Variants in HLA-DQA1 observed in about 807,000 individuals in gnomAD.
HLA-DQA1 encodes the protein major histocompatibility complex, class II, DQ alpha 1, also known as HLA class II histocompatibility antigen, DQ alpha 1 chain.
A neutral mutation model predicts 20.7 loss-of-function variants in HLA-DQA1; 10 were observed. The observed-to-expected ratio is 0.48, with a 90% CI of 0.30 to 0.82. The LOEUF (loss-of-function observed/expected upper bound fraction) is 0.82, where lower values mean the gene tolerates loss of function less well. Among genes scored for constraint, HLA-DQA1 ranks in the 40% least tolerant of loss-of-function variants. The pLI, the probability that HLA-DQA1 is intolerant of heterozygous loss-of-function variation, is 0.07. For synonymous variants in HLA-DQA1, 39 were observed against 109.2 expected, an observed-to-expected ratio of 0.36 and a Z score of 4.01; for missense variants, 127 against 293.0, an observed-to-expected ratio of 0.43 and a Z score of 4.14.
At chr6:32,650,853 A>G (rs796966619), downstream of HLA-DQA1, among the ~76,000 whole-genome samples, 671 of 21,342 alleles carry the variant, frequency 0.031, 198 homozygotes, top group South Asian at 0.25. Flanking sequence ...GTATAATAAT[A>G]ATAATAATAA....
downstream of HLA-DQA1, among the ~76,000 whole-genome samples, chr6:32,648,613 G>A (rs1459130370): frequency 3.1e-5 from 3 of 96,684 alleles, 1 homozygote; most frequent in African/African-American, 1.1e-4. Context: ...AATAAACTAG[G>A]TATTGATGGA....
Position 32,641,319 on chromosome 6 carries a change from T to C in HLA-DQA1, c.92T>C (p.Val31Ala). 8.0e-7 allele frequency: 1 copy of C among 1,249,058 alleles called. No individual in the cohort carries two copies. Among genetic ancestry groups the C allele is most frequent in the Non-Finnish European group, 1.1e-6 (1 of 900,008 alleles). 77.4% of individuals were successfully genotyped at this position (1,249,058 alleles called of 1,614,324 possible). A position where few individuals can be genotyped will look rare whatever the true frequency, so the allele number is the denominator to read the frequency against. ...CATCTTCACTCATCAGCTGACCACG[T>C]TGCCTCTTGTGGTGTAAACTTGTAC... The part of the protein sequence containing the change: ...CGGEDIVADH[V>A]ASCGVNLYQF... The change falls in exon 2 of 5, where the codon GTT (valine) becomes GCT (alanine). Residue 31 changes from valine (V) to alanine (A), a missense_variant. Val to Ala is a moderately conservative substitution (Grantham distance 64). Transcript: ENST00000343139.
chr6:32,653,859 G>A, the HLA-DQA1 span, among the ~76,000 whole-genome samples: 594 of 67,950 alleles, frequency 8.7e-3, 3 homozygotes, highest in Admixed American at 0.014. Flanking sequence ...AGAACCTGGG[G>A]GACATTATGT....
chr6:32,642,372 T>TCA, intron 3 of HLA-DQA1, 119 bp downstream of exon 3: 2 of 539,594 alleles, frequency 3.7e-6, no homozygotes, highest in Non-Finnish European at 5.6e-6. Flanking sequence ...CTTTTCTGTC[T>TCA]CTCTTTTTTT....
intron 3 of HLA-DQA1, 85 bp downstream of exon 3, chr6:32,642,338 T>G: frequency 1.0e-6 from 1 of 953,194 alleles, no homozygotes; most frequent in Non-Finnish European, 1.6e-6. Context: ...ATCCAAAAAC[T>G]TGTTTTCCAC....
chr6:32,643,586 T>G lies in HLA-DQA1; in HGVS notation c.*655T>G, dbSNP rs1356545258. Reference sequence around the variant, plus strand: ...TTAGAACCAAAAAATAAGTCTGTACTAATTTCAATGTGGCTTTTAAAAGTA... The same window carrying G: ...TTAGAACCAAAAAATAAGTCTGTACGAATTTCAATGTGGCTTTTAAAAGTA... On this transcript the variant is annotated 3_prime_UTR_variant, in exon 5 of 5. Transcript: ENST00000343139. 2 of 154,142 alleles carry G rather than the reference T, an allele frequency of 1.3e-5. No individual in the cohort carries two copies. Among genetic ancestry groups the G allele is most frequent in the Non-Finnish European group, 2.8e-5 (2 of 70,354 alleles). The allele number at this position is 154,142 out of a possible 1,614,324, so 9.5% of individuals were successfully genotyped here.
chr6:32,646,566 G>A (rs9273269), downstream of HLA-DQA1: 15 of 54,164 alleles, frequency 2.8e-4, no homozygotes, highest in East Asian at 6.3e-4. Context: ...ATCTCTAAAA[G>A]TAAATAAATA....
In HLA-DQA1 at chr6:32,641,754, G is replaced by T. The variant is rs542644431; in HGVS notation, c.331+196G>T. ...GCATTCAGCAAATCCTTCTAGGAGA[G>T]GTCTCATCAACCTCCTACTTTATTA... On this transcript the variant is annotated intron_variant, in intron 2 of 4. Coordinates refer to ENST00000343139, the MANE Select transcript of HLA-DQA1 (RefSeq NM_002122.5). Among the ~76,000 whole-genome samples the T allele has an allele frequency of 5.3e-4, 65 of 121,836 alleles. 4 individuals are homozygous for T. Among genetic ancestry groups the T allele is most frequent in the Non-Finnish European group, 9.3e-4 (52 of 55,810 alleles). 79.9% of individuals were successfully genotyped at this position (121,836 alleles called of 152,430 possible). A position where few individuals can be genotyped will look rare whatever the true frequency, so the allele number is the denominator to read the frequency against.
downstream of HLA-DQA1, among the ~76,000 whole-genome samples, chr6:32,649,203 C>G (rs1444981615): frequency 3.1e-5 from 3 of 96,708 alleles, 1 homozygote; most frequent in Non-Finnish European, 6.9e-5. Context: ...AATGGCCATA[C>G]TGCCCAAGGT....
chr6:32,651,868 C>A (rs1179662941), downstream of HLA-DQA1, among the ~76,000 whole-genome samples: 12 of 95,956 alleles, frequency 1.3e-4, 5 homozygotes, highest in African/African-American at 4.3e-4. Flanking sequence ...AAAGAAACAT[C>A]ATAAAATATT....
At chr6:32,644,340 A>T (rs1781736772), downstream of HLA-DQA1, 1 of 152,214 alleles carries the variant, frequency 6.6e-6, no homozygotes, top group Non-Finnish European at 1.5e-5. Flanking sequence ...TAATGCAATA[A>T]TTGATACAGT....
chr6:32,652,640 A>C, the HLA-DQA1 span, among the ~76,000 whole-genome samples: 1 of 149,086 alleles, frequency 6.7e-6, no homozygotes, highest in Non-Finnish European at 1.5e-5. Flanking sequence ...GCAGAATGTC[A>C]AAATGGTCAG....
rs112072542 is a variant in HLA-DQA1 at position 32,637,943 on chromosome 6, G to A, written c.82+403G>A. The stretch of plus-strand genomic sequence containing the variant: ...GGATGTCTCCGGTGGTAGATCTTGG[G>A]GTCATTCCATCAATTATGTACTCTA... On this transcript the variant is annotated intron_variant, in intron 1 of 4. Transcript: ENST00000343139. 3.8e-3 allele frequency among the ~76,000 whole-genome samples: 387 copies of A among 102,022 alleles called. 79 individuals are homozygous for A. Among genetic ancestry groups the A allele is most frequent in the African/African-American group, 0.013 (370 of 28,230 alleles). The allele number at this position is 102,022 out of a possible 152,430, so 66.9% of individuals were successfully genotyped here. A position where few individuals can be genotyped will look rare whatever the true frequency, so the allele number is the denominator to read the frequency against.
downstream of HLA-DQA1, among the ~76,000 whole-genome samples, chr6:32,650,844 TATAATA>T (rs199519440): frequency 0.017 from 1,109 of 63,582 alleles, 294 homozygotes; most frequent in South Asian, 0.11. Context: ...GAGCTTAAAG[TATAATA>T]ATAATAATAA....
rs780437372 is a variant in HLA-DQA1 at position 32,643,165 on chromosome 6, C to T, written c.*234C>T. The T allele has an allele frequency of 1.1e-4, 39 of 354,766 alleles. 12 individuals are homozygous for T. The highest frequency in any genetic ancestry group is 8.0e-4 in the South Asian group (39 of 48,670). 22.0% of individuals were successfully genotyped at this position (354,766 alleles called of 1,614,324 possible). On this transcript the variant is annotated 3_prime_UTR_variant, in exon 5 of 5. Transcript: ENST00000343139. ...TTTTTTTTCTTTTCTCAAATGTTAC[C>T]TACAAAGACATGCCTGGGGTAAGCC...
At chr6:32,641,843 A>G (rs1389757308) in intron 2 of HLA-DQA1, 129 bp from the exon 3 acceptor site, 1 of 613,472 alleles carries the variant, frequency 1.6e-6, no homozygotes, top group East Asian at 3.9e-5. Flanking sequence ...GCTCCCAAGC[A>G]GAAGGTAAAT....
chr6:32,644,414 A>C (rs1022491842), downstream of HLA-DQA1: 3 of 152,190 alleles, frequency 2.0e-5, no homozygotes, highest in Non-Finnish European at 2.9e-5. Context: ...CTAGTATTTT[A>C]AACTTTATAA....
intron 3 of HLA-DQA1, 87 bp from the exon 4 acceptor site, chr6:32,642,523 C>T (rs78712211): frequency 0.098 from 112,605 of 1,148,032 alleles, 17,357 homozygotes; most frequent in South Asian, 0.24. Flanking sequence ...TGAGTCTTTG[C>T]AGAGCCAACC....
downstream of HLA-DQA1, among the ~76,000 whole-genome samples, chr6:32,651,515 T>C (rs28513483): frequency 0.67 from 45,195 of 67,834 alleles, 19,722 homozygotes; most frequent in East Asian, 0.93. Flanking sequence ...ACGCGGGAGG[T>C]GGAGCTTGCA....
Sources: gnomAD v4.1 joint callset for allele counts (sites outside exome capture counted in the v4.1 genomes callset) on GRCh38, gnomAD v4.1.1 for gene constraint, MANE v1.5 for transcripts, NCBI Gene and HGNC (gene_info 2026-07-23, HGNC 2026-07-21) for gene names.